The following NRXN3 variants were observed in gnomAD, a reference collection of about 807,000 sequenced individuals.
The protein encoded by NRXN3 is neurexin 3.
A neutral mutation model predicts 137.6 loss-of-function variants in NRXN3; 32 were observed. The ratio of observed to expected loss-of-function variants is 0.23; its 90% confidence interval spans 0.18 to 0.31. The LOEUF is 0.31. Ranked by LOEUF, NRXN3 falls within the 10% of genes least tolerant of loss-of-function variation. The probability of loss-of-function intolerance (pLI) is 1.00; values close to 1 mark genes in which losing one functional copy is unlikely to be tolerated. For synonymous variants in NRXN3, 798 were observed against 784.5 expected, an observed-to-expected ratio of 1.02 and a Z score of -0.29; for missense variants, 1,574 against 2,062.5, an observed-to-expected ratio of 0.76 and a Z score of 4.59.
At chr14:79,369,371 A>G (rs1428867166) in intron 15 of NRXN3, among the ~76,000 whole-genome samples, 1 of 152,188 alleles carries the variant, frequency 6.6e-6, no homozygotes, top group East Asian at 1.9e-4. Context: ...GGCGATTGGT[A>G]GTGACTTCAA....
At chr14:79,316,614 G>A (rs1025825835) in intron 15 of NRXN3, among the ~76,000 whole-genome samples, 1 of 152,150 alleles carries the variant, frequency 6.6e-6, no homozygotes, top group Non-Finnish European at 1.5e-5. Context: ...TTATCTGGGT[G>A]CATGCCAGTT....
At chr14:78,702,604 C>A (rs1035881930) in intron 6 of NRXN3, among the ~76,000 whole-genome samples, 3 of 151,920 alleles carry the variant, frequency 2.0e-5, no homozygotes, top group Non-Finnish European at 4.4e-5. Context: ...CGCACCATAC[C>A]TGCTAATTTC....
Position 78,764,798 on chromosome 14 carries a change from C to T in NRXN3, c.2045-38822C>T, listed in dbSNP as rs1000715450. On this transcript the variant is annotated intron_variant, in intron 8 of 20. Transcript: ENST00000335750. ...ATTAGATCAGGCTTCCAAGAGTTTT[C>T]GAGAGGAGTGCACCATTAGACCTTG... Among the ~76,000 whole-genome samples, 8 of 152,186 alleles carry T rather than the reference C, an allele frequency of 5.3e-5. No individual in the cohort carries two copies. In the South Asian group the frequency reaches 1.0e-3, roughly 20 times the overall value.
At chr14:79,505,114 C>T (rs1390594220) in intron 16 of NRXN3, among the ~76,000 whole-genome samples, 2 of 151,554 alleles carry the variant, frequency 1.3e-5, no homozygotes, top group Non-Finnish European at 2.9e-5. Flanking sequence ...ACTGGGGAGG[C>T]CGAGGCAGGA....
chr14:79,532,609 A>G (rs1384032777), intron 16 of NRXN3, among the ~76,000 whole-genome samples: 3 of 151,990 alleles, frequency 2.0e-5, no homozygotes, highest in African/African-American at 4.8e-5. Context: ...AAATAATATC[A>G]TTTTCGATGT....
chr14:79,486,958 T>C (rs892177440), intron 16 of NRXN3, among the ~76,000 whole-genome samples: 9 of 107,572 alleles, frequency 8.4e-5, no homozygotes, highest in African/African-American at 3.0e-4. Context: ...TCTCTCTCTC[T>C]CTCCCACACA....
chr14:79,345,501 A>G (rs747381879), intron 15 of NRXN3, among the ~76,000 whole-genome samples: 18 of 152,130 alleles, frequency 1.2e-4, no homozygotes, highest in Non-Finnish European at 1.9e-4. Context: ...TAGATTCACA[A>G]TGCCATGTCT....
chr14:78,825,196 C>CAAAAAAAAAAAAA (rs11335474), intron 10 of NRXN3, among the ~76,000 whole-genome samples: 9 of 75,816 alleles, frequency 1.2e-4, no homozygotes, highest in East Asian at 6.7e-4. Context: ...GACTCTGCCT[C>CAAAAAAAAAAAAA]AAAAAAAAAA....
At chr14:78,438,443 C>T (rs1401710324) in intron 4 of NRXN3, among the ~76,000 whole-genome samples, 1 of 152,136 alleles carries the variant, frequency 6.6e-6, no homozygotes, top group African/African-American at 2.4e-5. Context: ...TCAAATATTG[C>T]CAAGGGTGAG....
At chr14:78,441,320 C>A (rs1460209576) in intron 4 of NRXN3, among the ~76,000 whole-genome samples, 1 of 152,052 alleles carries the variant, frequency 6.6e-6, no homozygotes, top group African/African-American at 2.4e-5. Context: ...TCTTTTTAAC[C>A]TCTGCATCTT....
At chr14:79,655,481 A>G (rs941142172) in intron 16 of NRXN3, among the ~76,000 whole-genome samples, 2 of 152,216 alleles carry the variant, frequency 1.3e-5, no homozygotes, top group African/African-American at 4.8e-5. Flanking sequence ...ACTCATGTGC[A>G]TGTGTGCCTG....
chr14:78,579,092 C>CA (rs2096965917), intron 4 of NRXN3, among the ~76,000 whole-genome samples: 2 of 152,172 alleles, frequency 1.3e-5, no homozygotes, highest in Admixed American at 1.3e-4. Context: ...TCTAGGGACT[C>CA]ACGCTTGATC....
intron 1 of NRXN3, among the ~76,000 whole-genome samples, chr14:78,202,748 T>C (rs2061795284): frequency 6.6e-6 from 1 of 152,174 alleles, no homozygotes; most frequent in African/African-American, 2.4e-5. Context: ...TCCCTGCCCT[T>C]TTCCAGGGAC....
At chr14:78,685,822 T>G (rs1229446515) in intron 6 of NRXN3, among the ~76,000 whole-genome samples, 45 of 149,552 alleles carry the variant, frequency 3.0e-4, no homozygotes, top group Non-Finnish European at 4.5e-5. Context: ...TTTTTTTTTT[T>G]TTTTGTATTT....
At chr14:79,507,288 T>C (rs1028931763) in intron 16 of NRXN3, among the ~76,000 whole-genome samples, 3 of 152,182 alleles carry the variant, frequency 2.0e-5, no homozygotes, top group African/African-American at 7.2e-5. Flanking sequence ...AGCTCATCTA[T>C]CTTTAAGTTT....
intron 19 of NRXN3, among the ~76,000 whole-genome samples, chr14:79,788,786 G>A (rs1475900225): frequency 6.6e-6 from 1 of 152,116 alleles, no homozygotes; most frequent in African/African-American, 2.4e-5. Flanking sequence ...AGAAACTATT[G>A]AGTTGCGATG....
chr14:78,798,834 A>G (rs148854329), intron 8 of NRXN3, among the ~76,000 whole-genome samples: 1 of 152,314 alleles, frequency 6.6e-6, no homozygotes, highest in Non-Finnish European at 1.5e-5. Flanking sequence ...GGCTTGAACC[A>G]TCTGAAGCCA....
intron 15 of NRXN3, among the ~76,000 whole-genome samples, chr14:79,145,775 A>G (rs2153012223): frequency 6.6e-6 from 1 of 152,346 alleles, no homozygotes; most frequent in South Asian, 2.1e-4. Flanking sequence ...ATTGCATTGT[A>G]TAATAAGTAA....
intron 5 of NRXN3, among the ~76,000 whole-genome samples, chr14:78,645,769 A>T (rs573815974): frequency 6.6e-6 from 1 of 152,262 alleles, no homozygotes; most frequent in Admixed American, 6.5e-5. Flanking sequence ...AAATTCAATT[A>T]GGGACTGCAT....
Sources: gnomAD v4.1 joint callset for allele counts (sites outside exome capture counted in the v4.1 genomes callset) on GRCh38, gnomAD v4.1.1 for gene constraint, MANE v1.5 for transcripts, NCBI Gene and HGNC (gene_info 2026-07-23, HGNC 2026-07-21) for gene names.